Variants in TBXAS1 observed in about 807,000 individuals in gnomAD.
TBXAS1 encodes the protein thromboxane-A synthase.
Under a neutral mutation model 60.7 loss-of-function variants are expected in TBXAS1, and 48 were observed. The observed-to-expected ratio is 0.79, with a 90% CI of 0.63 to 1.01. TBXAS1 has a LOEUF of 1.01. TBXAS1 is among the 50% of genes least tolerant of loss of function. The pLI is 0.00. For synonymous variants in TBXAS1, 287 were observed against 269.7 expected (o/e 1.06, Z -0.63); for missense variants, 685 against 686.3 (o/e 1.00, Z 0.02).
At chr7:139,875,255 G>C (rs917305049) in intron 2 of TBXAS1, among the ~76,000 whole-genome samples, 9 of 152,210 alleles carry the variant, frequency 5.9e-5, no homozygotes, top group Non-Finnish European at 1.3e-4. Flanking sequence ...TATAGTGGCA[G>C]TAAAAAGGGC....
chr7:139,810,940 G>A (rs1042161377), intron 4 of TBXAS1, among the ~76,000 whole-genome samples: 1 of 152,132 alleles, frequency 6.6e-6, no homozygotes, highest in African/African-American at 2.4e-5. Flanking sequence ...GTGAGTCTGG[G>A]TCCATATCTT....
intron 1 of TBXAS1, among the ~76,000 whole-genome samples, chr7:139,866,588 T>TAA (rs574216852): frequency 0.013 from 1,634 of 121,242 alleles, 34 homozygotes; most frequent in African/African-American, 0.046. Context: ...ACCCTGTTTC[T>TAA]AAAAAAAAAA....
At chr7:139,998,546 G>GT (rs1434522530) in intron 9 of TBXAS1, among the ~76,000 whole-genome samples, 14 of 151,750 alleles carry the variant, frequency 9.2e-5, no homozygotes, top group Admixed American at 4.6e-4. Flanking sequence ...CAAATATCTG[G>GT]TTTTTTTTCA....
At chr7:140,005,800 A>T (rs1048163561) in intron 9 of TBXAS1, among the ~76,000 whole-genome samples, 3 of 152,242 alleles carry the variant, frequency 2.0e-5, no homozygotes, top group Non-Finnish European at 4.4e-5. Flanking sequence ...TGGCTATGTC[A>T]TCATAGATTA....
intron 5 of TBXAS1, among the ~76,000 whole-genome samples, chr7:139,939,532 C>T (rs1808103989): frequency 6.6e-6 from 1 of 151,856 alleles, no homozygotes; most frequent in Non-Finnish European, 1.5e-5. Flanking sequence ...TGAAAGGATT[C>T]CATCCCAGAG....
intron 3 of TBXAS1, among the ~76,000 whole-genome samples, chr7:139,905,047 CTTTCTTTCTT>C (rs1325673206): frequency 4.1e-3 from 350 of 86,360 alleles, no homozygotes; most frequent in South Asian, 0.013. Flanking sequence ...TTCTTTCTTT[CTTTCTTTCTT>C]TCTCTCTCTC....
chr7:139,847,595 G>A (rs540368303), intron 1 of TBXAS1, among the ~76,000 whole-genome samples: 2 of 152,050 alleles, frequency 1.3e-5, no homozygotes, highest in Admixed American at 1.3e-4. Flanking sequence ...TCCACCCCAG[G>A]CACCACTCCA....
intron 4 of TBXAS1, among the ~76,000 whole-genome samples, chr7:139,925,416 G>A (rs1370977241): frequency 6.6e-6 from 1 of 151,964 alleles, no homozygotes; most frequent in Non-Finnish European, 1.5e-5. Context: ...ATTGTAAATG[G>A]GATTGCTTTC....
rs543554164 is a variant in TBXAS1, at chr7:139,993,755, G to T, written c.1135-13336G>T. On this transcript the variant is annotated intron_variant, in intron 9 of 12. Coordinates refer to ENST00000448866, the MANE Select transcript of TBXAS1 (RefSeq NM_001061.7). ...CGCATCCCAAGGCCTGAGGTCTAACGCTGCCTCTGCCCCCTCCTTTGCTGT... is the reference window on the plus strand; with the variant it reads ...CGCATCCCAAGGCCTGAGGTCTAACTCTGCCTCTGCCCCCTCCTTTGCTGT... Among the ~76,000 whole-genome samples the T allele has an allele frequency of 2.4e-4, 37 of 152,272 alleles. No individual in the cohort carries two copies. In the South Asian group the frequency reaches 3.7e-3, roughly 15 times the overall value.
chr7:139,874,198 T>C (rs899074095), intron 2 of TBXAS1, among the ~76,000 whole-genome samples: 6 of 152,202 alleles, frequency 3.9e-5, no homozygotes, highest in African/African-American at 1.4e-4. Context: ...AGGCTTCCTG[T>C]TAGCCCCTTG....
At chr7:139,996,415 C>T (rs1044469100) in intron 9 of TBXAS1, among the ~76,000 whole-genome samples, 1 of 152,058 alleles carries the variant, frequency 6.6e-6, no homozygotes, top group Admixed American at 6.6e-5. Context: ...TTTTTCTTAC[C>T]CCTATCCCAG....
intron 5 of TBXAS1, among the ~76,000 whole-genome samples, chr7:139,939,328 C>T (rs1015768098): frequency 3.0e-5 from 4 of 132,036 alleles, no homozygotes; most frequent in Non-Finnish European, 4.6e-5. Flanking sequence ...CATACCACTG[C>T]ACTCTAGCCT....
chr7:139,847,087 A>G (rs1799870811), intron 1 of TBXAS1, among the ~76,000 whole-genome samples: 1 of 152,230 alleles, frequency 6.6e-6, no homozygotes, highest in African/African-American at 2.4e-5. Context: ...CATTGATGGC[A>G]TCTGTTTACC....
intron 3 of TBXAS1, among the ~76,000 whole-genome samples, chr7:139,877,952 C>T (rs1802373828): frequency 6.6e-6 from 1 of 152,112 alleles, no homozygotes; most frequent in Non-Finnish European, 1.5e-5. Flanking sequence ...TCACCAGAAT[C>T]AGAAAAAGTC....
chr7:139,867,952 T>G (rs1336338738), intron 1 of TBXAS1, among the ~76,000 whole-genome samples: 1 of 152,158 alleles, frequency 6.6e-6, no homozygotes, highest in Non-Finnish European at 1.5e-5. Context: ...CCCGATTTAT[T>G]TTGAGAATGG....
At chr7:139,945,644 A>G (rs1808642894) in intron 5 of TBXAS1, among the ~76,000 whole-genome samples, 1 of 152,254 alleles carries the variant, frequency 6.6e-6, no homozygotes, top group Non-Finnish European at 1.5e-5. Context: ...GTTACCACAA[A>G]AGAGCAATAT....
intron 11 of TBXAS1, among the ~76,000 whole-genome samples, chr7:140,017,019 G>A (rs1435260355): frequency 6.6e-6 from 1 of 152,232 alleles, no homozygotes; most frequent in African/African-American, 2.4e-5. Flanking sequence ...TCACTGTCAT[G>A]GGACACACGC....
At chr7:139,826,900 C>A (rs1299250162), upstream of TBXAS1, among the ~76,000 whole-genome samples, 1 of 152,138 alleles carries the variant, frequency 6.6e-6, no homozygotes, top group South Asian at 2.1e-4. Flanking sequence ...ATTTTCCCAA[C>A]AATACCTCAC....
chr7:139,977,207 A>G (rs1322483727), intron 9 of TBXAS1, among the ~76,000 whole-genome samples: 1 of 152,154 alleles, frequency 6.6e-6, no homozygotes, highest in Non-Finnish European at 1.5e-5. Context: ...GAGACTGGGC[A>G]ATTTACAAAA....
Sources: allele counts gnomAD v4.1 joint callset (sites outside exome capture counted in the v4.1 genomes callset), GRCh38; gene constraint gnomAD v4.1.1; transcripts MANE v1.5; gene names NCBI Gene and HGNC (gene_info 2026-07-23, HGNC 2026-07-21).